PDRG1: variants seen among roughly 807,000 people sequenced by gnomAD.
The protein encoded by PDRG1 is p53 and DNA damage regulated 1.
A neutral mutation model predicts 18.4 loss-of-function variants in PDRG1; 14 were observed. The observed-to-expected ratio is 0.76, with a 90% CI of 0.50 to 1.19. PDRG1 has a LOEUF of 1.19. Ranked by LOEUF, PDRG1 falls within the 50% of genes most tolerant of loss-of-function variation. PDRG1 has a pLI of 0.00. For missense variants in PDRG1, 177 were observed against 160.1 expected, an observed-to-expected ratio of 1.11 and a Z score of -0.57; for synonymous variants, 65 against 60.9, an observed-to-expected ratio of 1.07 and a Z score of -0.31.
chr20:31,945,754 G>C lies in PDRG1; in HGVS notation c.*53C>G. 6.8e-7 allele frequency: 1 copy of C among 1,474,082 alleles called. No individual in the cohort carries two copies. The highest frequency in any genetic ancestry group is 9.5e-7 in the Non-Finnish European group (1 of 1,057,238). 91.3% of individuals were successfully genotyped at this position (1,474,082 alleles called of 1,614,324 possible). On this transcript the variant is annotated 3_prime_UTR_variant, in exon 5 of 5. Coordinates refer to ENST00000202017, the MANE Select transcript of PDRG1 (RefSeq NM_030815.3). ...ACAGGTGTCAAGGTTGGAGGGTCCT[G>C]GGTCCTCCATGACCCTGGGGGGTTG... is the stretch of plus-strand genomic sequence containing the variant.
intron 1 of PDRG1, among the ~76,000 whole-genome samples, chr20:31,951,509 C>T (rs543821047): frequency 1.3e-5 from 2 of 152,336 alleles, no homozygotes; most frequent in Non-Finnish European, 2.9e-5. Context: ...GTCCCCACCC[C>T]TGCCCGGTCA....
Position 31,945,717 on chromosome 20 carries a change from G to C in PDRG1, c.*90C>G. The C allele has an allele frequency of 9.4e-7, 1 of 1,062,774 alleles. No individual in the cohort carries two copies. Among genetic ancestry groups the C allele is most frequent in the Middle Eastern group, 2.4e-4 (1 of 4,138 alleles). 65.8% of individuals were successfully genotyped at this position (1,062,774 alleles called of 1,614,324 possible). On this transcript the variant is annotated 3_prime_UTR_variant, in exon 5 of 5. Coordinates refer to ENST00000202017, the MANE Select transcript of PDRG1 (RefSeq NM_030815.3). ...CTGACGGCTGGCCCCTTACAGGGCA[G>C]ATCCTGTCCTTACAGGTGTCAAGGT...
At chr20:31,946,691 G>A (rs2064321470) in intron 3 of PDRG1, 115 bp from the exon 4 acceptor site, 1 of 924,040 alleles carries the variant, frequency 1.1e-6, no homozygotes, top group South Asian at 1.4e-5. Flanking sequence ...GGAAGGAAAA[G>A]GGGACATCAG....
In PDRG1 at chr20:31,948,821, T is replaced by A. The variant is rs1159077670; in HGVS notation, c.225A>T (p.Glu75Asp). The A allele has an allele frequency of 6.2e-7, 1 of 1,613,860 alleles. No homozygotes were observed. Among genetic ancestry groups the A allele is most frequent in the Non-Finnish European group, 8.5e-7 (1 of 1,179,884 alleles). ...FIKMPHPETKEMIEKDQDHLD... is the reference protein window; with the variant it reads ...FIKMPHPETKDMIEKDQDHLD... The stretch of plus-strand genomic sequence containing the variant: ...AGGAGGCCTTACCTTTTTCAATCAT[T>A]TCCTTTGTCTCAGGGTGAGGCATCT... Residue 75 changes from glutamate (E) to aspartate (D), a missense_variant, in exon 3 of 5, where the codon GAA becomes GAT. Physicochemically the swap from Glu to Asp is conservative, Grantham distance 45. Coordinates refer to ENST00000202017, the MANE Select transcript of PDRG1 (RefSeq NM_030815.3).
intron 2 of PDRG1, 146 bp downstream of exon 2, chr20:31,950,166 C>T: frequency 1.5e-6 from 1 of 672,800 alleles, no homozygotes; most frequent in Non-Finnish European, 2.5e-6. Flanking sequence ...AATTTGCTCC[C>T]CCATCTCCCC....
intron 2 of PDRG1, 137 bp downstream of exon 2, chr20:31,950,175 C>A (rs958157295): frequency 2.8e-6 from 2 of 725,116 alleles, no homozygotes; most frequent in African/African-American, 1.8e-5. Context: ...CCCCATCTCC[C>A]CGGACTGTTT....
chr20:31,950,489 C>T lies in PDRG1; in HGVS notation c.88-102G>A, dbSNP rs533720262. 23 of 830,190 alleles carry T rather than the reference C, an allele frequency of 2.8e-5. No individual in the cohort carries two copies. In the African/African-American group the frequency reaches 3.4e-4, roughly 12 times the overall value. The allele number at this position is 830,190 out of a possible 1,614,324, so 51.4% of individuals were successfully genotyped here. On this transcript the variant is annotated intron_variant, in intron 1 of 4. Coordinates refer to ENST00000202017, the MANE Select transcript of PDRG1 (RefSeq NM_030815.3). ...AGAGGCAATGCATTATTCCTGATTA[C>T]ATTCAACGTCCTGCCTAAAATGGAT...
chr20:31,945,774 G>A lies in PDRG1; in HGVS notation c.*33C>T, dbSNP rs752077648. 3.8e-6 allele frequency: 6 copies of A among 1,572,546 alleles called. No homozygotes were observed. Among genetic ancestry groups the A allele is most frequent in the Non-Finnish European group, 5.2e-6 (6 of 1,143,286 alleles). On this transcript the variant is annotated 3_prime_UTR_variant, in exon 5 of 5. Transcript: ENST00000202017. ...GTCCTGGGTCCTCCATGACCCTGGG[G>A]GGTTGCTGGTCCCCCATCTTGGTTC...
At position 31,948,797 on chromosome 20, in the gene PDRG1, G is replaced by C; in HGVS notation, c.238+11C>G. 6.2e-7 allele frequency: 1 copy of C among 1,612,160 alleles called. No homozygotes were observed. The highest frequency in any genetic ancestry group is 8.5e-7 in the Non-Finnish European group (1 of 1,178,892). On this transcript the variant is annotated intron_variant, in intron 3 of 4. Transcript: ENST00000202017. ...GCAGCACACCCCTGACCCATCCCCAGGAGGCCTTACCTTTTTCAATCATTT... is the reference window on the plus strand; with the variant it reads ...GCAGCACACCCCTGACCCATCCCCACGAGGCCTTACCTTTTTCAATCATTT...
intron 3 of PDRG1, among the ~76,000 whole-genome samples, chr20:31,947,271 G>T (rs891255476): frequency 4.6e-5 from 7 of 152,194 alleles, no homozygotes; most frequent in Non-Finnish European, 1.0e-4. Flanking sequence ...TCAGATGGGG[G>T]AGAAACCCTG....
Position 31,945,046 on chromosome 20 carries a change from C to A in PDRG1, c.*761G>T, listed in dbSNP as rs1270775283. 6.6e-6 allele frequency: 1 copy of A among 152,208 alleles called. No individual in the cohort carries two copies. The highest frequency in any genetic ancestry group is 1.5e-5 in the Non-Finnish European group (1 of 68,050). 9.4% of individuals were successfully genotyped at this position (152,208 alleles called of 1,614,324 possible). Reference sequence around the variant, plus strand: ...GGCAGTTCATACTGGGACCTCAGACCACTGAAGGCAGACAGTAACGAGCAG... The same window carrying A: ...GGCAGTTCATACTGGGACCTCAGACAACTGAAGGCAGACAGTAACGAGCAG... On this transcript the variant is annotated 3_prime_UTR_variant, in exon 5 of 5. Coordinates refer to ENST00000202017, the MANE Select transcript of PDRG1 (RefSeq NM_030815.3).
rs776274160 is a variant in PDRG1, at chr20:31,945,877, A to G, written c.332T>C (p.Leu111Pro). Reference sequence around the variant, plus strand: ...GAGGGGGTTCAAGTTAAAACCCTTCAGCTCCGGTTTGCCTAGGAGAGAAGA... The same window carrying G: ...GAGGGGGTTCAAGTTAAAACCCTTCGGCTCCGGTTTGCCTAGGAGAGAAGA... ...RLFEAQGKPE[L>P]KGFNLNPLNQ... The change falls in exon 5 of 5, where the codon CTG (leucine) becomes CCG (proline). Residue 111 changes from leucine to proline, a missense_variant. Leu to Pro is a moderately conservative substitution (Grantham distance 98, BLOSUM62 -3). Coordinates refer to ENST00000202017, the MANE Select transcript of PDRG1 (RefSeq NM_030815.3). The G allele has an allele frequency of 2.5e-6, 4 of 1,613,604 alleles. No homozygotes were observed. In the South Asian group the frequency reaches 3.3e-5, roughly 13 times the overall value.
chr20:31,951,806 CACTGCG>C, intron 1 of PDRG1, 63 bp downstream of exon 1: 1 of 1,486,140 alleles, frequency 6.7e-7, no homozygotes, highest in East Asian at 2.5e-5. Context: ...CAGGTCAACT[CACTGCG>C]ACCCCGCGCG....
At position 31,950,372 on chromosome 20, in the gene PDRG1, T is replaced by A; in HGVS notation, c.103A>T (p.Thr35Ser). The A allele has an allele frequency of 6.2e-7, 1 of 1,612,372 alleles. No homozygotes were observed. The highest frequency in any genetic ancestry group is 2.2e-5 in the East Asian group (1 of 44,884). The change falls in exon 2 of 5, where the codon ACT becomes TCT. Residue 35 changes from threonine (T) to serine (S), a missense_variant. By Grantham distance (58) the Thr-to-Ser change is moderately conservative. Transcript: ENST00000202017. ...ADKRQIVDLD[T>S]KRNQNREGLR... ...CCCTCTCGATTCTGATTCCTTTTAG[T>A]GTCCAGGTCCACAATCTGAAAACCA...
rs2123676098 is a variant in PDRG1, at chr20:31,945,722, T to G, written c.*85A>C. ...GGCTGGCCCCTTACAGGGCAGATCC[T>G]GTCCTTACAGGTGTCAAGGTTGGAG... is the stretch of plus-strand genomic sequence containing the variant. On this transcript the variant is annotated 3_prime_UTR_variant, in exon 5 of 5. Transcript: ENST00000202017. 9.0e-7 allele frequency: 1 copy of G among 1,107,728 alleles called. No individual in the cohort carries two copies. Among genetic ancestry groups the G allele is most frequent in the East Asian group, 2.4e-5 (1 of 41,500 alleles). The allele number at this position is 1,107,728 out of a possible 1,614,324, so 68.6% of individuals were successfully genotyped here. A position where few individuals can be genotyped will look rare whatever the true frequency, so the allele number is the denominator to read the frequency against.
intron 3 of PDRG1, among the ~76,000 whole-genome samples, chr20:31,947,507 A>C (rs1464748865): frequency 1.3e-5 from 2 of 152,240 alleles, no homozygotes; most frequent in Non-Finnish European, 2.9e-5. Flanking sequence ...CACCAAGTGC[A>C]GTTTAATTTT....
At chr20:31,946,390 C>A in intron 4 of PDRG1, 106 bp downstream of exon 4, 1 of 1,089,942 alleles carries the variant, frequency 9.2e-7, no homozygotes, top group South Asian at 1.3e-5. Context: ...ACAGGCTGCC[C>A]CGGACACTGC....
chr20:31,949,182 G>A (rs1432082171), intron 2 of PDRG1, among the ~76,000 whole-genome samples: 2 of 152,222 alleles, frequency 1.3e-5, no homozygotes, highest in African/African-American at 4.8e-5. Flanking sequence ...CCTAAGGAAA[G>A]TGAGAGTGTG....
At chr20:31,946,464 C>G (rs1279707751) in intron 4 of PDRG1, 32 bp downstream of exon 4, 1 of 1,549,624 alleles carries the variant, frequency 6.5e-7, no homozygotes, top group East Asian at 2.2e-5. Context: ...ATTCCCTCCC[C>G]TTCTTATCTC....
Sources: allele counts gnomAD v4.1 joint callset (sites outside exome capture counted in the v4.1 genomes callset), GRCh38; gene constraint gnomAD v4.1.1; transcripts MANE v1.5; gene names NCBI Gene and HGNC (gene_info 2026-07-23, HGNC 2026-07-21).